The following METTL8 variants were observed in gnomAD, a reference collection of about 807,000 sequenced individuals.
The protein encoded by METTL8 is methyltransferase 8, tRNA N3-cytidine, also known as tRNA N(3)-cytidine methyltransferase METTL8, mitochondrial.
A neutral mutation model predicts 48.7 loss-of-function variants in METTL8; 32 were observed. The observed-to-expected ratio is 0.66, with a 90% CI of 0.50 to 0.88. The LOEUF (loss-of-function observed/expected upper bound fraction) is 0.88. METTL8 is among the 40% of genes least tolerant of loss of function. METTL8 has a pLI of 0.00. For synonymous variants in METTL8, 136 were observed against 157.1 expected, an observed-to-expected ratio of 0.87 and a Z score of 1.01; for missense variants, 464 against 474.4, an observed-to-expected ratio of 0.98 and a Z score of 0.20.
chr2:171,315,869 T>C lies in METTL8; in HGVS notation c.*8303A>G, dbSNP rs552636546. Reference sequence around the variant, plus strand: ...ATGTAATAACCAAAGCTTCCTTAACTTGGGAATCTTGGGAACCTAGAAAGT... The same window carrying C: ...ATGTAATAACCAAAGCTTCCTTAACCTGGGAATCTTGGGAACCTAGAAAGT... On this transcript the variant is annotated 3_prime_UTR_variant, in exon 10 of 10. Coordinates refer to ENST00000375258, the MANE Select transcript of METTL8 (RefSeq NM_001321154.2). Among the ~76,000 whole-genome samples, 1 of 152,338 alleles carries C rather than the reference T, an allele frequency of 6.6e-6. No homozygotes were observed. Among genetic ancestry groups the C allele is most frequent in the South Asian group, 2.1e-4 (1 of 4,828 alleles).
chr2:171,434,382 TG>T, upstream of METTL8: 2 of 918,606 alleles, frequency 2.2e-6, no homozygotes, highest in Non-Finnish European at 3.4e-6. Context: ...CTCCGCGCTC[TG>T]GCGGTGCAAG....
chr2:171,358,972 AG>A (rs1306145181), intron 3 of METTL8, among the ~76,000 whole-genome samples: 1 of 152,114 alleles, frequency 6.6e-6, no homozygotes, highest in Non-Finnish European at 1.5e-5. Flanking sequence ...ACAACTCAAT[AG>A]GAAGAAAAAG....
intron 1 of METTL8, among the ~76,000 whole-genome samples, chr2:171,424,862 CA>C (rs1391563375): frequency 2.0e-5 from 3 of 152,028 alleles, no homozygotes; most frequent in African/African-American, 7.2e-5. Flanking sequence ...TGGGAGGGGC[CA>C]GGGGCAGAAT....
At position 171,358,346 on chromosome 2, in the gene METTL8, G is replaced by A. The variant is rs151096781; in HGVS notation, c.235+2076C>T. On this transcript the variant is annotated intron_variant, in intron 3 of 9. Coordinates refer to ENST00000375258, the MANE Select transcript of METTL8 (RefSeq NM_001321154.2). Reference sequence around the variant, plus strand: ...AGCCTGGGCAACAGAGCAAAACTCCGTCTCCAGAAAAAAAAAAAAAAAAAG... The same window carrying A: ...AGCCTGGGCAACAGAGCAAAACTCCATCTCCAGAAAAAAAAAAAAAAAAAG... Among the ~76,000 whole-genome samples, 918 of 139,228 alleles carry A rather than the reference G, an allele frequency of 6.6e-3. 7 individuals are homozygous for A. The highest frequency in any genetic ancestry group is 0.022 in the African/African-American group (808 of 37,400). The allele number at this position is 139,228 out of a possible 152,430, so 91.3% of individuals were successfully genotyped here. A position where few individuals can be genotyped will look rare whatever the true frequency, so the allele number is the denominator to read the frequency against.
At chr2:171,417,151 G>T (rs1385615592) in intron 1 of METTL8, among the ~76,000 whole-genome samples, 1 of 152,182 alleles carries the variant, frequency 6.6e-6, no homozygotes, top group East Asian at 1.9e-4. Context: ...CCCATAAAAA[G>T]TAGATCCTGT....
rs77077339 is a variant in METTL8 at position 171,397,187 on chromosome 2, G to A, written c.-12-4990C>T. 8.2e-3 allele frequency among the ~76,000 whole-genome samples: 1,237 copies of A among 150,720 alleles called. 8 individuals carry two copies. Among genetic ancestry groups the A allele is most frequent in the Non-Finnish European group, 0.012 (809 of 67,608 alleles). ...TAGACCCAAAGTAAGTAGAAAGAAGGAAATAATAAAAAATAAAAACAGAAA... is the reference window on the plus strand; with the variant it reads ...TAGACCCAAAGTAAGTAGAAAGAAGAAAATAATAAAAAATAAAAACAGAAA... On this transcript the variant is annotated intron_variant, in intron 1 of 9. Coordinates refer to ENST00000375258, the MANE Select transcript of METTL8 (RefSeq NM_001321154.2).
chr2:171,410,594 T>C (rs1369797418), intron 1 of METTL8, among the ~76,000 whole-genome samples: 1 of 152,250 alleles, frequency 6.6e-6, no homozygotes, highest in Non-Finnish European at 1.5e-5. Context: ...GAGATTACTA[T>C]TTATTCCAAT....
chr2:171,351,497 A>G (rs1466308059), intron 3 of METTL8, among the ~76,000 whole-genome samples: 1 of 152,186 alleles, frequency 6.6e-6, no homozygotes, highest in Non-Finnish European at 1.5e-5. Context: ...CAATTCTGTG[A>G]AGAAAGTCAT....
At chr2:171,346,214 AGATGGGGTCT>A (rs1687250140) in intron 3 of METTL8, among the ~76,000 whole-genome samples, 1 of 152,082 alleles carries the variant, frequency 6.6e-6, no homozygotes, top group South Asian at 2.1e-4. Context: ...TTTTTTGTAG[AGATGGGGTCT>A]GACTGTTGCT....
intron 2 of METTL8, among the ~76,000 whole-genome samples, chr2:171,366,664 A>G (rs1260127067): frequency 1.3e-5 from 2 of 152,156 alleles, no homozygotes; most frequent in Non-Finnish European, 2.9e-5. Context: ...AAATCTCAGA[A>G]AAAAATGAAA....
chr2:171,411,251 C>T (rs1422943584), intron 1 of METTL8, among the ~76,000 whole-genome samples: 1 of 152,150 alleles, frequency 6.6e-6, no homozygotes, highest in African/African-American at 2.4e-5. Context: ...AAAGTAATTC[C>T]AACAGAAATT....
At chr2:171,350,461 C>A (rs947876532) in intron 3 of METTL8, among the ~76,000 whole-genome samples, 8 of 152,132 alleles carry the variant, frequency 5.3e-5, no homozygotes, top group African/African-American at 1.7e-4. Context: ...GATTTATAAT[C>A]CTTTGGGTAT....
chr2:171,341,834 TACACAC>T (rs56145145), intron 3 of METTL8, among the ~76,000 whole-genome samples: 1,574 of 147,260 alleles, frequency 0.011, 17 homozygotes, highest in African/African-American at 0.023. Context: ...AATATTCATG[TACACAC>T]ACACACACAC....
At chr2:171,412,349 T>A (rs935101676) in intron 1 of METTL8, among the ~76,000 whole-genome samples, 5 of 152,272 alleles carry the variant, frequency 3.3e-5, no homozygotes, top group Non-Finnish European at 5.9e-5. Flanking sequence ...TTTCTGTGTC[T>A]CTTTTTAGGG....
At chr2:171,386,227 A>C (rs947304536) in intron 2 of METTL8, among the ~76,000 whole-genome samples, 1 of 152,218 alleles carries the variant, frequency 6.6e-6, no homozygotes, top group African/African-American at 2.4e-5. Flanking sequence ...GAAAACAAAA[A>C]AAATTGATAA....
chr2:171,420,994 T>C (rs1027196027), intron 1 of METTL8, among the ~76,000 whole-genome samples: 2 of 152,206 alleles, frequency 1.3e-5, no homozygotes, highest in Admixed American at 6.5e-5. Flanking sequence ...AAGACAAGGA[T>C]GTCCATTATC....
rs1227046586 is a variant in METTL8 at position 171,399,365 on chromosome 2, G to C, written c.-12-7168C>G. ...GCTGACAGACTTCCTGCCAGCTCTA[G>C]GTGTAGGTAGGTATGTGTCTATTTT... On this transcript the variant is annotated intron_variant, in intron 1 of 9. Coordinates refer to ENST00000375258, the MANE Select transcript of METTL8 (RefSeq NM_001321154.2). 5.3e-5 allele frequency among the ~76,000 whole-genome samples: 8 copies of C among 152,142 alleles called. No homozygotes were observed. The East Asian group carries it at 1.5e-3, about 29-fold the overall frequency.
intron 1 of METTL8, 37 bp downstream of exon 1, chr2:171,433,833 ACCGTCCCCCTCAG>A (rs1693460769): frequency 6.5e-6 from 1 of 154,040 alleles, no homozygotes; most frequent in Non-Finnish European, 1.4e-5. Flanking sequence ...AGCACAGTTT[ACCGTCCCCCTCAG>A]CCAACATGCG....
At chr2:171,355,118 C>T (rs1178012) in intron 3 of METTL8, among the ~76,000 whole-genome samples, 152,001 of 152,328 alleles carry the variant, frequency 1, 75,837 homozygotes, top group Middle Eastern at 1. Context: ...CTTTGGTCTT[C>T]GATCATGGTG....
Sources: allele counts gnomAD v4.1 joint callset (sites outside exome capture counted in the v4.1 genomes callset), GRCh38; gene constraint gnomAD v4.1.1; transcripts MANE v1.5; gene names NCBI Gene and HGNC (gene_info 2026-07-23, HGNC 2026-07-21).